The following WDPCP variants were observed in gnomAD, a reference collection of about 807,000 sequenced individuals.
The protein encoded by WDPCP is WD repeat containing planar cell polarity effector.
WDPCP carries 71 observed loss-of-function variants against 93.1 expected under a neutral mutation model. The ratio of observed to expected loss-of-function variants is 0.76; its 90% CI spans 0.63 to 0.93. The LOEUF (loss-of-function observed/expected upper bound fraction) is 0.93. Among genes scored for constraint, WDPCP ranks in the 40% least tolerant of loss-of-function variants. The pLI is 0.00. For missense variants in WDPCP, 844 were observed against 887.4 expected, an observed-to-expected ratio of 0.95 and a Z score of 0.62; for synonymous variants, 315 against 315.0, an observed-to-expected ratio of 1.00 and a Z score of 0.00.
At chr2:63,666,513 C>T (rs561255642) in intron 2 of WDPCP, among the ~76,000 whole-genome samples, 1 of 152,308 alleles carries the variant, frequency 6.6e-6, no homozygotes, top group African/African-American at 2.4e-5. Context: ...CCTTTTCAAA[C>T]TTCCCTACTG....
intron 2 of WDPCP, among the ~76,000 whole-genome samples, chr2:63,775,448 T>C (rs1558907664): frequency 6.6e-6 from 1 of 152,208 alleles, no homozygotes; most frequent in East Asian, 1.9e-4. Context: ...AGGAAATTCA[T>C]ATATAGTTTT....
At chr2:63,301,100 G>A (rs12994711) in intron 13 of WDPCP, among the ~76,000 whole-genome samples, 121,906 of 152,174 alleles carry the variant, frequency 0.8, 49,702 homozygotes, top group East Asian at 0.96. Context: ...CACCTAGTGG[G>A]ACAGGGATCC....
intron 12 of WDPCP, chr2:63,377,791 A>ATG (rs1165723446): frequency 2.1e-5 from 1 of 48,330 alleles, no homozygotes; most frequent in Admixed American, 2.4e-4. Flanking sequence ...TCTGAACTTC[A>ATG]TGTATATATA....
chr2:63,426,333 C>T (rs1375072798), intron 9 of WDPCP, among the ~76,000 whole-genome samples: 1 of 151,868 alleles, frequency 6.6e-6, no homozygotes, highest in Non-Finnish European at 1.5e-5. Flanking sequence ...CAGAGTGAGA[C>T]TCTGTCTCAA....
intron 10 of WDPCP, among the ~76,000 whole-genome samples, chr2:63,393,214 G>A (rs1693426432): frequency 6.6e-6 from 1 of 152,176 alleles, no homozygotes; most frequent in Non-Finnish European, 1.5e-5. Flanking sequence ...CATAAAAAAG[G>A]ATGAGTTCAT....
At chr2:63,561,730 C>A (rs2106415563) in intron 1 of WDPCP, among the ~76,000 whole-genome samples, 1 of 152,236 alleles carries the variant, frequency 6.6e-6, no homozygotes, top group African/African-American at 2.4e-5. Flanking sequence ...AGACACTTTT[C>A]AAAAGAGGAC....
intron 17 of WDPCP, among the ~76,000 whole-genome samples, chr2:63,131,833 CTTTTTTTTTT>C (rs55670342): frequency 9.3e-6 from 1 of 107,720 alleles, no homozygotes; most frequent in South Asian, 3.2e-4. Context: ...ATACAGTATT[CTTTTTTTTTT>C]TTTTTTTTTT....
intron 15 of WDPCP, among the ~76,000 whole-genome samples, chr2:63,169,995 C>A (rs146401681): frequency 9.3e-5 from 14 of 151,222 alleles, no homozygotes; most frequent in African/African-American, 3.4e-4. Context: ...GGGCCCCAAG[C>A]GATCCTCCTA....
At chr2:63,125,200 T>A (rs1314423012) in intron 17 of WDPCP, among the ~76,000 whole-genome samples, 1 of 152,226 alleles carries the variant, frequency 6.6e-6, no homozygotes, top group East Asian at 1.9e-4. Context: ...AGTCTAGCAC[T>A]TGCCAAAGGT....
At chr2:63,638,025 C>T (rs187531742) in intron 3 of WDPCP, among the ~76,000 whole-genome samples, 2 of 152,182 alleles carry the variant, frequency 1.3e-5, no homozygotes, top group Non-Finnish European at 2.9e-5. Context: ...TGGATTTTAT[C>T]AATGGATAAA....
chr2:63,839,415 A>T, the WDPCP span, among the ~76,000 whole-genome samples: 4 of 152,214 alleles, frequency 2.6e-5, no homozygotes, highest in African/African-American at 9.6e-5. Flanking sequence ...AACATTAGCC[A>T]GGTGCGGTGG....
intron 12 of WDPCP, among the ~76,000 whole-genome samples, chr2:63,326,747 C>CAG (rs1315503223): frequency 1.3e-5 from 2 of 150,392 alleles, no homozygotes; most frequent in African/African-American, 2.4e-5. Flanking sequence ...AGAAGAAAGT[C>CAG]AGAGAGAGAG....
chr2:63,708,338 C>T (rs1208164139), intron 2 of WDPCP, among the ~76,000 whole-genome samples: 1 of 152,228 alleles, frequency 6.6e-6, no homozygotes, highest in Non-Finnish European at 1.5e-5. Context: ...GGGCCCCCCT[C>T]CCCCAGCCTC....
rs543310796 is a variant in WDPCP at position 63,435,429 on chromosome 2, A to C, written c.634-1493T>G. Among the ~76,000 whole-genome samples the C allele has an allele frequency of 1.4e-3, 215 of 152,278 alleles. 2 individuals carry two copies. The South Asian group carries it at 0.018, about 13-fold the overall frequency. The stretch of plus-strand genomic sequence containing the variant: ...TGTAATTTCTTATATTTAAGCTCTC[A>C]ATATCATTAAGTCTTCTTATTTGAG... On this transcript the variant is annotated intron_variant, in intron 8 of 17. Coordinates refer to ENST00000272321, the MANE Select transcript of WDPCP (RefSeq NM_015910.7).
chr2:63,654,087 A>G (rs1247502300), intron 2 of WDPCP, among the ~76,000 whole-genome samples: 1 of 152,188 alleles, frequency 6.6e-6, no homozygotes, highest in Non-Finnish European at 1.5e-5. Flanking sequence ...TTTAAAGAAT[A>G]TATGAGCACA....
chr2:63,270,870 C>T (rs1298431569), intron 13 of WDPCP, among the ~76,000 whole-genome samples: 6 of 152,140 alleles, frequency 3.9e-5, no homozygotes, highest in African/African-American at 7.2e-5. Flanking sequence ...AGGTAGTTTG[C>T]GCTGCATCCC....
intron 2 of WDPCP, among the ~76,000 whole-genome samples, chr2:63,718,947 C>T (rs937194267): frequency 6.6e-6 from 1 of 152,070 alleles, no homozygotes; most frequent in African/African-American, 2.4e-5. Context: ...ATACATTAGT[C>T]ATAATTTTAT....
At chr2:63,512,665 TCTCA>T (rs1702308479) in intron 1 of WDPCP, among the ~76,000 whole-genome samples, 1 of 152,090 alleles carries the variant, frequency 6.6e-6, no homozygotes. Context: ...CACCTCATGT[TCTCA>T]CTCGTAAGTA....
chr2:63,448,037 T>A (rs903413510), intron 6 of WDPCP, among the ~76,000 whole-genome samples: 1 of 152,108 alleles, frequency 6.6e-6, no homozygotes, highest in African/African-American at 2.4e-5. Context: ...GGAATAAAGA[T>A]CTCCACTAAA....
Sources: allele counts gnomAD v4.1 joint callset (sites outside exome capture counted in the v4.1 genomes callset), GRCh38; gene constraint gnomAD v4.1.1; transcripts MANE v1.5; gene names NCBI Gene and HGNC (gene_info 2026-07-23, HGNC 2026-07-21).